FAM20C: variants seen among roughly 807,000 people sequenced by gnomAD.
FAM20C encodes extracellular serine/threonine protein kinase FAM20C.
Under a neutral mutation model 51.5 loss-of-function variants are expected in FAM20C, and 40 were observed. The observed-to-expected ratio is 0.78, with a 90% CI of 0.60 to 1.01. The LOEUF is 1.01. FAM20C is among the 50% of genes least tolerant of loss of function. The pLI is 0.00. For synonymous variants in FAM20C, 406 were observed against 380.6 expected, an observed-to-expected ratio of 1.07 and a Z score of -0.78; for missense variants, 861 against 844.7, an observed-to-expected ratio of 1.02 and a Z score of -0.24.
intron 3 of FAM20C, among the ~76,000 whole-genome samples, chr7:212,547 A>G (rs1249194744): frequency 6.6e-6 from 1 of 152,136 alleles, no homozygotes; most frequent in Non-Finnish European, 1.5e-5. Flanking sequence ...GTCGTGAATT[A>G]GAGAGCACAG....
At chr7:195,904 C>T (rs775672797) in intron 2 of FAM20C, among the ~76,000 whole-genome samples, 172 bp downstream of exon 2, 1 of 152,260 alleles carries the variant, frequency 6.6e-6, no homozygotes, top group African/African-American at 2.4e-5. Context: ...GCTCGCGTCT[C>T]GTGTGCTCTC....
intron 2 of FAM20C, among the ~76,000 whole-genome samples, chr7:204,595 C>T (rs1243288456): frequency 6.6e-6 from 1 of 152,270 alleles, no homozygotes; most frequent in East Asian, 1.9e-4. Context: ...GTGGCCATCG[C>T]TGTGGAGAGC....
chr7:227,720 G>A (rs1402664202), intron 3 of FAM20C: 1 of 152,230 alleles, frequency 6.6e-6, no homozygotes, highest in East Asian at 1.9e-4. Context: ...TACTGGATGA[G>A]CCGACAGTAG....
chr7:256,801 G>C, intron 7 of FAM20C, 38 bp downstream of exon 7: 3 of 1,517,034 alleles, frequency 2.0e-6, no homozygotes, highest in Non-Finnish European at 2.7e-6. Flanking sequence ...CGTGTCACTC[G>C]CCTTGCGTGG....
At chr7:234,056 C>T (rs1303945607) in intron 3 of FAM20C, among the ~76,000 whole-genome samples, 2 of 152,204 alleles carry the variant, frequency 1.3e-5, no homozygotes, top group Admixed American at 1.3e-4. Context: ...CAGTGCCCCC[C>T]TGGGGGCTGC....
chr7:257,718 G>T (rs1788638268), intron 8 of FAM20C, among the ~76,000 whole-genome samples: 1 of 152,372 alleles, frequency 6.6e-6, no homozygotes, highest in South Asian at 2.1e-4. Flanking sequence ...ATACAGGGCT[G>T]GGGACAGGCG....
intron 3 of FAM20C, among the ~76,000 whole-genome samples, chr7:244,675 G>C (rs974617447): frequency 6.6e-6 from 1 of 152,226 alleles, no homozygotes; most frequent in African/African-American, 2.4e-5. Context: ...AATGGCCACA[G>C]ACCCAGTGGG....
At chr7:256,391 T>C in intron 6 of FAM20C, 1 of 572,078 alleles carries the variant, frequency 1.7e-6, no homozygotes, top group Non-Finnish European at 3.1e-6. Flanking sequence ...CCAGGTCCTG[T>C]TTCCCCACAG....
Position 260,123 on chromosome 7 carries a change from G to C in FAM20C, c.*143G>C, listed in dbSNP as rs1181677682. On this transcript the variant is annotated 3_prime_UTR_variant, in exon 10 of 10. Coordinates refer to ENST00000313766, the MANE Select transcript of FAM20C (RefSeq NM_020223.4). ...GGGAGCTGCTGCCACAGGAGGCGAG[G>C]CTCCCCAGGTCTCATAGGACACATT... The C allele has an allele frequency of 2.7e-5, 31 of 1,154,218 alleles. No individual in the cohort carries two copies. Among genetic ancestry groups the C allele is most frequent in the Non-Finnish European group, 3.5e-5 (30 of 861,016 alleles). The allele number at this position is 1,154,218 out of a possible 1,614,324, so 71.5% of individuals were successfully genotyped here.
intron 3 of FAM20C, among the ~76,000 whole-genome samples, chr7:222,882 GAC>G (rs1787295739): frequency 2.0e-5 from 3 of 151,820 alleles, no homozygotes; most frequent in African/African-American, 7.3e-5. Flanking sequence ...GTGCGTGTGT[GAC>G]GTGTACATGT....
intron 5 of FAM20C, among the ~76,000 whole-genome samples, chr7:249,807 C>T (rs776834851): frequency 9.2e-5 from 14 of 152,164 alleles, no homozygotes; most frequent in African/African-American, 1.9e-4. Context: ...CCTCTCCAAG[C>T]GCCTCTCTGG....
At chr7:257,243 GC>G in intron 8 of FAM20C, 157 bp downstream of exon 8, 2 of 753,580 alleles carry the variant, frequency 2.7e-6, no homozygotes, top group Non-Finnish European at 2.1e-6. Context: ...GCAGAGGGCG[GC>G]CCCAGGCCCC....
chr7:228,285 GC>G (rs1242256255), intron 3 of FAM20C: 1 of 363,420 alleles, frequency 2.8e-6, no homozygotes, highest in Non-Finnish European at 5.5e-6. Context: ...GCTCAGTGCT[GC>G]CTGTCCCCAT....
At chr7:194,169 C>T (rs1785734285) in intron 1 of FAM20C, 1 of 229,922 alleles carries the variant, frequency 4.3e-6, no homozygotes, top group Admixed American at 5.5e-5. Context: ...CTTTCAGACA[C>T]TTGGCGAGGG....
intron 1 of FAM20C, chr7:194,030 G>C (rs1785728650): frequency 4.8e-6 from 3 of 630,146 alleles, no homozygotes; most frequent in Admixed American, 7.5e-5. Context: ...CCCTGTGGCT[G>C]CTGGTGAGGA....
In FAM20C at chr7:193,563, C is replaced by A. The variant is rs918666016; in HGVS notation, c.364C>A (p.Arg122=). 3.4e-5 allele frequency: 51 copies of A among 1,497,194 alleles called. No homozygotes were observed. Among genetic ancestry groups the A allele is most frequent in the African/African-American group, 4.4e-5 (3 of 68,696 alleles). 92.7% of individuals were successfully genotyped at this position (1,497,194 alleles called of 1,614,324 possible). ...GGCCGAGCCGGCCGAGCGCGCCTTGCGGGGGCGGGATCCCGGCGCCCTAAG... is the reference window on the plus strand; with the variant it reads ...GGCCGAGCCGGCCGAGCGCGCCTTGAGGGGGCGGGATCCCGGCGCCCTAAG... ...PAAEPAERAL[R]GRDPGALRPH... is the part of the protein sequence containing the mutation. The change falls in exon 1 of 10, where the codon CGG becomes AGG. Residue 122 remains arginine (R), a synonymous_variant. Transcript: ENST00000313766.
At chr7:257,700 G>T (rs1788637504) in intron 8 of FAM20C, among the ~76,000 whole-genome samples, 1 of 151,250 alleles carries the variant, frequency 6.6e-6, no homozygotes, top group African/African-American at 2.4e-5. Context: ...CAGAGGCCAG[G>T]ACCCCACATA....
At chr7:241,059 T>C (rs1787933248) in intron 3 of FAM20C, among the ~76,000 whole-genome samples, 1 of 144,434 alleles carries the variant, frequency 6.9e-6, no homozygotes, top group Admixed American at 6.8e-5. Context: ...GGGCCGGGGC[T>C]TACGGGCTGG....
chr7:228,095 C>A, intron 3 of FAM20C: 1 of 259,408 alleles, frequency 3.9e-6, no homozygotes, highest in Non-Finnish European at 7.6e-6. Flanking sequence ...AGCGACCCGT[C>A]AGAGCTGATG....
Sources: allele counts gnomAD v4.1 joint callset (sites outside exome capture counted in the v4.1 genomes callset), GRCh38; gene constraint gnomAD v4.1.1; transcripts MANE v1.5; gene names NCBI Gene and HGNC (gene_info 2026-07-23, HGNC 2026-07-21).